Variants in RHPN1 observed in about 807,000 individuals in gnomAD.
RHPN1 encodes rhophilin-1.
A neutral mutation model predicts 74.7 loss-of-function variants in RHPN1; 77 were observed. The observed-to-expected ratio is 1.03, with a 90% confidence interval of 0.86 to 1.25. The LOEUF (loss-of-function observed/expected upper bound fraction) is 1.25, where lower values mean the gene tolerates loss of function less well. Among genes scored for constraint, RHPN1 ranks in the 50% most tolerant of loss-of-function variants. The pLI is 0.00. For missense variants in RHPN1, 987 were observed against 932.2 expected, an observed-to-expected ratio of 1.06 and a Z score of -0.77; for synonymous variants, 444 against 414.5, an observed-to-expected ratio of 1.07 and a Z score of -0.87.
chr8:143,379,313 A>G lies in RHPN1; in HGVS notation c.752-2A>G, dbSNP rs371694615. The G allele has an allele frequency of 1.3e-6, 2 of 1,582,900 alleles. No individual in the cohort carries two copies. Among genetic ancestry groups the G allele is most frequent in the Non-Finnish European group, 8.6e-7 (1 of 1,161,184 alleles). On this transcript the variant is annotated splice_acceptor_variant, in intron 7 of 14. Transcript: ENST00000289013. LOFTEE classifies it high-confidence loss of function. The stretch of plus-strand genomic sequence containing the variant: ...CCTGTGTGAGCACCCCTCCCTCCGC[A>G]GGGGCCTTCAGCCTCCTGAGGGAGA...
chr8:143,379,460 C>G lies in RHPN1; in HGVS notation c.897C>G (p.Ala299=). 1 of 1,571,324 alleles carries G rather than the reference C, an allele frequency of 6.4e-7. No individual in the cohort carries two copies. Among genetic ancestry groups the G allele is most frequent in the Non-Finnish European group, 8.6e-7 (1 of 1,158,846 alleles). The part of the protein sequence containing the change: ...FEGLSPPASM[A]PQDCLAQLRL... Reference sequence around the variant, plus strand: ...GCCTCTCACCACCTGCCTCCATGGCCCCCCAAGACTGCCTGGCCCAGCTGC... The same window carrying G: ...GCCTCTCACCACCTGCCTCCATGGCGCCCCAAGACTGCCTGGCCCAGCTGC... Residue 299 remains alanine (A), a synonymous_variant, in exon 8 of 15, where the codon GCC becomes GCG. Transcript: ENST00000289013.
At chr8:143,380,222 A>C in intron 10 of RHPN1, 47 bp downstream of exon 10, 1 of 1,321,140 alleles carries the variant, frequency 7.6e-7, no homozygotes, top group Non-Finnish European at 1.0e-6. Context: ...ATGGTCACCA[A>C]CGGTGGCAGG....
intron 2 of RHPN1, among the ~76,000 whole-genome samples, chr8:143,376,164 C>T (rs1464067090): frequency 2.0e-5 from 3 of 152,248 alleles, no homozygotes; most frequent in Non-Finnish European, 4.4e-5. Context: ...TTGCCAGGCC[C>T]TGATGCAGGC....
In RHPN1 at chr8:143,382,530, C is replaced by G; in HGVS notation, c.1892C>G (p.Pro631Arg). 6.2e-7 allele frequency: 1 copy of G among 1,610,810 alleles called. No individual in the cohort carries two copies. Among genetic ancestry groups the G allele is most frequent in the South Asian group, 1.1e-5 (1 of 90,758 alleles). The part of the protein sequence containing the change: ...CKTPASTWAS[P>R]RPLLNWSRKA... ...ACCCCGGCATCCACGTGGGCCAGTC[C>G]CCGGCCCCTCCTCAACTGGAGCCGA... Residue 631 changes from proline (P) to arginine (R), a missense_variant, in exon 15 of 15, where the codon CCC (proline) becomes CGC (arginine). Transcript: ENST00000289013.
chr8:143,368,538 C>G (rs139794588), upstream of RHPN1: 2,446 of 152,930 alleles, frequency 0.016, 30 homozygotes, highest in Non-Finnish European at 0.022. Context: ...CAGGTCCGCC[C>G]TGACTCTCAG....
Position 143,381,356 on chromosome 8 carries a change from C to A in RHPN1, c.1488+12C>A. ...TCTTCCATCGGCTGGTGAGCACACC[C>A]GTCCCCAGGCACCGCCCAGCATGGG... On this transcript the variant is annotated intron_variant, in intron 12 of 14. Coordinates refer to ENST00000289013, the MANE Select transcript of RHPN1 (RefSeq NM_052924.3). The A allele has an allele frequency of 1.2e-6, 2 of 1,600,870 alleles. No homozygotes were observed. Among genetic ancestry groups the A allele is most frequent in the East Asian group, 2.3e-5 (1 of 44,302 alleles).
In RHPN1 at chr8:143,381,726, C is replaced by A; in HGVS notation, c.1635+8C>A. 1 of 1,606,794 alleles carries A rather than the reference C, an allele frequency of 6.2e-7. No homozygotes were observed. Among genetic ancestry groups the A allele is most frequent in the Non-Finnish European group, 8.5e-7 (1 of 1,177,380 alleles). ...CCAGGGAGCCAGGCCGCGGTAAGGG[C>A]CCCGCCGGCCCCCTGAGGCTGAGTC... On this transcript the variant is annotated splice_region_variant and intron_variant, in intron 13 of 14. Coordinates refer to ENST00000289013, the MANE Select transcript of RHPN1 (RefSeq NM_052924.3).
rs1818718997 is a variant in RHPN1, at chr8:143,381,396, T to C, written c.1488+52T>C. 5 of 1,542,966 alleles carry C rather than the reference T, an allele frequency of 3.2e-6. No individual in the cohort carries two copies. In the South Asian group the frequency reaches 4.8e-5, roughly 15 times the overall value. ...CCCAGCATGGGCAGCTTGGGCTGTG[T>C]GGCTCTGACCAGCACATGGCCTCAG... On this transcript the variant is annotated intron_variant, in intron 12 of 14. Coordinates refer to ENST00000289013, the MANE Select transcript of RHPN1 (RefSeq NM_052924.3).
At position 143,378,912 on chromosome 8, in the gene RHPN1, G is replaced by T. The variant is rs1303084737; in HGVS notation, c.585G>T (p.Trp195Cys). The change falls in exon 7 of 15, where the codon TGG becomes TGT. Residue 195 changes from tryptophan (W) to cysteine (C), a missense_variant and splice_region_variant. Trp to Cys is a radical substitution (Grantham distance 215). Transcript: ENST00000289013. ...PARSLGLFFH[W>C]YDSLTGVPAQ... ...CACCCAGCCTGACCCAACACTGCAG[G>T]TACGACTCGCTTACTGGGGTCCCGG... 2.5e-6 allele frequency: 4 copies of T among 1,584,844 alleles called. No individual in the cohort carries two copies. The South Asian group carries it at 4.6e-5, about 18-fold the overall frequency.
intron 11 of RHPN1, 28 bp from the exon 12 acceptor site, chr8:143,381,240 G>A (rs1270689794): frequency 6.3e-7 from 1 of 1,598,248 alleles, no homozygotes; most frequent in South Asian, 1.1e-5. Flanking sequence ...CAGTCTCCCA[G>A]CTTAGCTCTG....
intron 14 of RHPN1, 87 bp downstream of exon 14, chr8:143,382,055 T>C: frequency 7.6e-7 from 1 of 1,321,266 alleles, no homozygotes; most frequent in East Asian, 2.4e-5. Context: ...TGAGCAACAT[T>C]GGGAAGGGGA....
In RHPN1 at chr8:143,380,485, T is replaced by C. The variant is rs916380305; in HGVS notation, c.1217-104T>C. ...CCGTGGCGCGCACCCCCAACGAAAG[T>C]GGCTGTGATGAGCCCCACAGCCCTG... On this transcript the variant is annotated intron_variant, in intron 10 of 14. Transcript: ENST00000289013. 31 of 1,108,126 alleles carry C rather than the reference T, an allele frequency of 2.8e-5. No homozygotes were observed. The African/African-American group carries it at 4.6e-4, about 16-fold the overall frequency. The allele number at this position is 1,108,126 out of a possible 1,614,324, so 68.6% of individuals were successfully genotyped here. A position where few individuals can be genotyped will look rare whatever the true frequency, so the allele number is the denominator to read the frequency against.
In RHPN1 at chr8:143,379,486, G is replaced by A. The variant is rs866899720; in HGVS notation, c.923G>A (p.Arg308His). ...MAPQDCLAQLRLAQEAAQVAA... is the reference protein window; with the variant it reads ...MAPQDCLAQLHLAQEAAQVAA... ...CCCCAAGACTGCCTGGCCCAGCTGCGCCTGGCGCAGGAGGCCGCCCAGGTG... is the reference window on the plus strand; with the variant it reads ...CCCCAAGACTGCCTGGCCCAGCTGCACCTGGCGCAGGAGGCCGCCCAGGTG... The change falls in exon 8 of 15, where the codon CGC becomes CAC. Residue 308 changes from arginine to histidine, a missense_variant. Physicochemically the swap from Arg to His is conservative, Grantham distance 29 (BLOSUM62 0). Coordinates refer to ENST00000289013, the MANE Select transcript of RHPN1 (RefSeq NM_052924.3). 20 of 1,560,048 alleles carry A rather than the reference G, an allele frequency of 1.3e-5. No individual in the cohort carries two copies. The highest frequency in any genetic ancestry group is 2.7e-5 in the African/African-American group (2 of 73,446).
chr8:143,377,770 G>A (rs944911774), intron 4 of RHPN1, among the ~76,000 whole-genome samples: 8 of 152,212 alleles, frequency 5.3e-5, no homozygotes, highest in Non-Finnish European at 8.8e-5. Flanking sequence ...CGGAGCACAG[G>A]GTACAGGCTC....
chr8:143,380,441 C>A, intron 10 of RHPN1, 148 bp from the exon 11 acceptor site: 1 of 747,024 alleles, frequency 1.3e-6, no homozygotes, highest in Non-Finnish European at 2.1e-6. Flanking sequence ...AGCCCTCCTG[C>A]ACAGCCAGCT....
intron 10 of RHPN1, 50 bp from the exon 11 acceptor site, chr8:143,380,539 A>G (rs1477069135): frequency 1.7e-5 from 24 of 1,418,740 alleles, no homozygotes; most frequent in South Asian, 8.8e-5. Context: ...GCCACGTCCC[A>G]GGGCCCACGG....
In RHPN1 at chr8:143,378,220, G is replaced by C. The variant is rs374749760; in HGVS notation, c.382-49G>C. On this transcript the variant is annotated intron_variant, in intron 4 of 14. Coordinates refer to ENST00000289013, the MANE Select transcript of RHPN1 (RefSeq NM_052924.3). ...GGTGGGTTGGGAGACCTCAGGGAAG[G>C]AGGCCAGGCACAGGGGTACTGTGGA... 3.0e-5 allele frequency: 44 copies of C among 1,474,196 alleles called. No individual in the cohort carries two copies. The African/African-American group carries it at 4.9e-4, about 16-fold the overall frequency. 91.3% of individuals were successfully genotyped at this position (1,474,196 alleles called of 1,614,324 possible). A position where few individuals can be genotyped will look rare whatever the true frequency, so the allele number is the denominator to read the frequency against.
At position 143,382,344 on chromosome 8, in the gene RHPN1, C is replaced by T. The variant is rs949986540; in HGVS notation, c.1798-92C>T. 13 of 1,149,022 alleles carry T rather than the reference C, an allele frequency of 1.1e-5. No individual in the cohort carries two copies. The African/African-American group carries it at 1.5e-4, about 14-fold the overall frequency. 71.2% of individuals were successfully genotyped at this position (1,149,022 alleles called of 1,614,324 possible). A position where few individuals can be genotyped will look rare whatever the true frequency, so the allele number is the denominator to read the frequency against. On this transcript the variant is annotated intron_variant, in intron 14 of 14. Coordinates refer to ENST00000289013, the MANE Select transcript of RHPN1 (RefSeq NM_052924.3). Reference sequence around the variant, plus strand: ...CAAACAAGCCCCCGACGTGCCAGCCCCTCCCAGGTGGTTCTCACCCCTCCC... The same window carrying T: ...CAAACAAGCCCCCGACGTGCCAGCCTCTCCCAGGTGGTTCTCACCCCTCCC...
chr8:143,377,394 T>G lies in RHPN1; in HGVS notation c.320T>G (p.Val107Gly), dbSNP rs1452842808. ...PGRHGSEAVTVPMIPLGLKET... is the reference protein window; with the variant it reads ...PGRHGSEAVTGPMIPLGLKET... ...TCTGGTTACAGCGAAGCTGTCACTGTCCCCATGATCCCCCTGGGCCTGAAG... is the reference window on the plus strand; with the variant it reads ...TCTGGTTACAGCGAAGCTGTCACTGGCCCCATGATCCCCCTGGGCCTGAAG... The change falls in exon 4 of 15, where the codon GTC (valine) becomes GGC (glycine). Residue 107 changes from valine (V) to glycine (G), a missense_variant. By Grantham distance (109) the Val-to-Gly change is moderately radical. Transcript: ENST00000289013. 1 of 1,613,272 alleles carries G rather than the reference T, an allele frequency of 6.2e-7. No homozygotes were observed. The highest frequency in any genetic ancestry group is 1.7e-5 in the Admixed American group (1 of 60,002).
Sources: allele counts gnomAD v4.1 joint callset (sites outside exome capture counted in the v4.1 genomes callset), GRCh38; gene constraint gnomAD v4.1.1; transcripts MANE v1.5; gene names NCBI Gene and HGNC (gene_info 2026-07-23, HGNC 2026-07-21).